Variants in PAK3 observed in about 807,000 individuals in gnomAD.
The protein encoded by PAK3 is serine/threonine-protein kinase PAK 3.
PAK3 carries 4 observed loss-of-function variants against 41.0 expected under a neutral mutation model. That is an observed-to-expected ratio of 0.10 (90% CI 0.05 to 0.22). The LOEUF (loss-of-function observed/expected upper bound fraction) is 0.22, where lower values mean the gene tolerates loss of function less well. Among genes scored for constraint, PAK3 ranks in the 10% least tolerant of loss-of-function variants. PAK3 has a pLI of 1.00. For missense variants in PAK3, 205 were observed against 409.9 expected (o/e 0.50, Z 4.32); for synonymous variants, 146 against 139.6 (o/e 1.05, Z -0.32).
At chrX:111,032,736 G>C (rs1002597778) in intron 1 of PAK3, among the ~76,000 whole-genome samples, 4 of 110,942 alleles carry the variant, frequency 3.6e-5, no homozygotes, top group Non-Finnish European at 7.6e-5. Context: ...TGAAGTGAAG[G>C]GAGAAGGGAG....
At chrX:110,994,971 G>T (rs1009511392) in intron 1 of PAK3, among the ~76,000 whole-genome samples, 1 of 111,994 alleles carries the variant, frequency 8.9e-6, no homozygotes, top group African/African-American at 3.2e-5. Flanking sequence ...ACAACACAGT[G>T]CTCAGCCTAA....
At chrX:111,135,205 C>G (rs1413983930) in intron 5 of PAK3, among the ~76,000 whole-genome samples, 1 of 111,145 alleles carries the variant, frequency 9.0e-6, no homozygotes, top group Non-Finnish European at 1.9e-5. Context: ...GAGGAGAATT[C>G]ATAGAACTAG....
chrX:110,962,848 G>C (rs1312110798), intron 1 of PAK3, among the ~76,000 whole-genome samples: 3 of 112,509 alleles, frequency 2.7e-5, no homozygotes, highest in African/African-American at 9.7e-5. Context: ...GGAACAGAAG[G>C]GTATCTCTGA....
intron 1 of PAK3, among the ~76,000 whole-genome samples, chrX:111,042,661 A>G (rs982464057): frequency 2.7e-5 from 3 of 111,668 alleles, no homozygotes; most frequent in Admixed American, 9.5e-5. Context: ...CCAAAATCCA[A>G]TGATCCAAAA....
At chrX:111,192,776 C>T (rs1325816405) in intron 13 of PAK3, among the ~76,000 whole-genome samples, 158 bp downstream of exon 13, 7 of 112,379 alleles carry the variant, frequency 6.2e-5, no homozygotes, top group Non-Finnish European at 1.3e-4. Context: ...AACTTGCACT[C>T]ACTTAGCTTT....
intron 1 of PAK3, among the ~76,000 whole-genome samples, chrX:110,984,770 G>GC (rs1359749447): frequency 2.7e-5 from 3 of 110,145 alleles, no homozygotes; most frequent in South Asian, 4.0e-4. Flanking sequence ...GCAGCCTTAC[G>GC]CCCCCCCGCC....
chrX:111,127,470 A>G (rs750858006), intron 5 of PAK3, among the ~76,000 whole-genome samples: 28 of 111,386 alleles, frequency 2.5e-4, no homozygotes, highest in African/African-American at 8.8e-4. Flanking sequence ...AGTAGATGTA[A>G]TTTCAAGATT....
chrX:111,193,019 C>T (rs975266804), intron 13 of PAK3, among the ~76,000 whole-genome samples: 1 of 111,769 alleles, frequency 8.9e-6, no homozygotes, highest in Non-Finnish European at 1.9e-5. Flanking sequence ...ACAGTGAGGT[C>T]TAGGGAATTC....
At chrX:110,962,040 C>T (rs1304099498) in intron 1 of PAK3, among the ~76,000 whole-genome samples, 5 of 112,020 alleles carry the variant, frequency 4.5e-5, no homozygotes, top group African/African-American at 1.6e-4. Context: ...GGAATCTCTT[C>T]TTACTAGTTC....
chrX:111,217,078 A>G (rs1378811616), intron 17 of PAK3: 2 of 711,520 alleles, frequency 2.8e-6, no homozygotes, highest in Non-Finnish European at 3.3e-6. Context: ...CCCAGGGATT[A>G]GTATACATGA....
intron 16 of PAK3, among the ~76,000 whole-genome samples, chrX:111,207,073 CGTGTGTGTGT>C (rs367846225): frequency 4.1e-5 from 4 of 97,378 alleles, no homozygotes; most frequent in African/African-American, 1.1e-4. Flanking sequence ...TAGATATATA[CGTGTGTGTGT>C]GTGTGTGTGT....
chrX:111,103,056 T>TGAGAGA (rs372768327), intron 3 of PAK3, 103 bp from the exon 4 acceptor site: 3 of 105,275 alleles, frequency 2.8e-5, no homozygotes, highest in Non-Finnish European at 3.9e-5. Flanking sequence ...TGTGTGTGTG[T>TGAGAGA]GAGAGAGAGA....
chrX:111,163,632 C>A lies in PAK3; in HGVS notation c.671C>A (p.Ser224Tyr), dbSNP rs759005736. The change falls in exon 10 of 18, where the codon TCT becomes TAT. Residue 224 changes from serine (S) to tyrosine (Y), a missense_variant. Around this residue, in one of 5 missense-constraint regions of PAK3, gnomAD observed 75 missense variants for 91.9 expected, o/e 0.82. Transcript: ENST00000372007. ...CCAAATAAAGAGGTCACACCACCCT[C>A]TGCTGAAAATGCCAATTCCAGTACT... The part of the protein sequence containing the change: ...AVPNKEVTPP[S>Y]AENANSSTLY... 14 of 1,196,596 alleles carry A rather than the reference C, an allele frequency of 1.2e-5. No individual in the cohort carries two copies. The Admixed American group carries it at 2.8e-4, about 24-fold the overall frequency.
intron 4 of PAK3, among the ~76,000 whole-genome samples, chrX:111,107,114 A>C (rs1326727010): frequency 9.0e-6 from 1 of 111,640 alleles, no homozygotes; most frequent in African/African-American, 3.3e-5. Context: ...ATGTGCTGTT[A>C]ATGGTTTCTT....
chrX:111,180,845 C>A (rs933271288), intron 11 of PAK3, among the ~76,000 whole-genome samples: 11 of 111,747 alleles, frequency 9.8e-5, no homozygotes, highest in Non-Finnish European at 2.1e-4. Context: ...TGATGTTTTG[C>A]TATTATAAAC....
intron 5 of PAK3, among the ~76,000 whole-genome samples, chrX:111,134,608 T>TG (rs2093762489): frequency 1.8e-5 from 2 of 111,699 alleles, no homozygotes; most frequent in Non-Finnish European, 3.8e-5. Context: ...GGGACACAGA[T>TG]AAGTTATTCA....
intron 1 of PAK3, among the ~76,000 whole-genome samples, chrX:110,986,660 C>T (rs1182166676): frequency 9.0e-6 from 1 of 111,309 alleles, no homozygotes; most frequent in African/African-American, 3.3e-5. Context: ...GAGAAGGAAC[C>T]TAATAGAATA....
chrX:111,196,401 A>G, intron 15 of PAK3, 43 bp from the exon 16 acceptor site: 1 of 1,062,753 alleles, frequency 9.4e-7, no homozygotes, highest in Non-Finnish European at 1.3e-6. Context: ...TTGTAAAAGG[A>G]AAATAATTTG....
chrX:111,144,981 C>T (rs1162203680), intron 6 of PAK3: 4 of 668,281 alleles, frequency 6.0e-6, no homozygotes, highest in South Asian at 2.5e-5. Flanking sequence ...CCTGTTATAT[C>T]GTGCTGCCAT....
Sources: gnomAD v4.1 joint callset for allele counts (sites outside exome capture counted in the v4.1 genomes callset) on GRCh38, gnomAD v4.1.1 for gene constraint, gnomAD v4.1.1 regional missense constraint, MANE v1.5 for transcripts, NCBI Gene and HGNC (gene_info 2026-07-23, HGNC 2026-07-21) for gene names.